The following IL1RAPL1 variants were observed in gnomAD, a reference collection of about 807,000 sequenced individuals.
IL1RAPL1 encodes the protein interleukin 1 receptor accessory protein like 1, also known as interleukin-1 receptor accessory protein-like 1.
A neutral mutation model predicts 48.4 loss-of-function variants in IL1RAPL1; 3 were observed. The ratio of observed to expected loss-of-function variants is 0.06; its 90% CI spans 0.03 to 0.16. The LOEUF (loss-of-function observed/expected upper bound fraction) is 0.16, where lower values mean the gene tolerates loss of function less well. Ranked by LOEUF, IL1RAPL1 falls within the 10% of genes least tolerant of loss-of-function variation. The pLI, the probability that IL1RAPL1 is intolerant of heterozygous loss-of-function variation, is 1.00. For missense variants in IL1RAPL1, 349 were observed against 530.6 expected (o/e 0.66, Z 3.36); for synonymous variants, 185 against 187.7 (o/e 0.99, Z 0.12).
At chrX:29,076,834 A>ATCTATCT (rs1927688272) in intron 2 of IL1RAPL1, among the ~76,000 whole-genome samples, 1 of 110,663 alleles carries the variant, frequency 9.0e-6, no homozygotes, top group Admixed American at 9.7e-5. Flanking sequence ...CTATCTATCT[A>ATCTATCT]AACAATGAAG....
chrX:28,663,079 G>T (rs1934839281), intron 1 of IL1RAPL1, among the ~76,000 whole-genome samples: 1 of 112,027 alleles, frequency 8.9e-6, no homozygotes, highest in African/African-American at 3.2e-5. Flanking sequence ...GAAGAAAAAA[G>T]TATTTAGAGT....
intron 2 of IL1RAPL1, among the ~76,000 whole-genome samples, chrX:29,224,170 G>A (rs998371827): frequency 3.6e-5 from 4 of 110,936 alleles, no homozygotes; most frequent in Non-Finnish European, 3.8e-5. Flanking sequence ...ACAAAGCCCC[G>A]AGATACGGAC....
chrX:29,086,620 T>G (rs1927958346), intron 2 of IL1RAPL1, among the ~76,000 whole-genome samples: 1 of 112,136 alleles, frequency 8.9e-6, no homozygotes. Flanking sequence ...AGTCCTATCA[T>G]AACTTCATTT....
chrX:29,460,207 C>T (rs1333187902), intron 5 of IL1RAPL1, among the ~76,000 whole-genome samples: 2 of 112,124 alleles, frequency 1.8e-5, no homozygotes, highest in African/African-American at 6.5e-5. Context: ...GCCTAGATCC[C>T]TGTGCCCAGT....
intron 1 of IL1RAPL1, among the ~76,000 whole-genome samples, chrX:28,740,984 G>A (rs1935899982): frequency 8.9e-6 from 1 of 111,777 alleles, no homozygotes; most frequent in South Asian, 3.8e-4. Flanking sequence ...CACACACATT[G>A]GTCTGTCGTC....
intron 2 of IL1RAPL1, among the ~76,000 whole-genome samples, chrX:29,144,567 CA>C (rs1929307928): frequency 1.2e-5 from 1 of 84,137 alleles, no homozygotes; most frequent in Non-Finnish European, 2.2e-5. Context: ...CACACCATTG[CA>C]TTCCAGCCTG....
intron 1 of IL1RAPL1, among the ~76,000 whole-genome samples, chrX:28,693,031 A>AT (rs1935196231): frequency 8.9e-6 from 1 of 111,922 alleles, no homozygotes; most frequent in African/African-American, 3.2e-5. Flanking sequence ...ACTGCTGTCA[A>AT]TTTTTTTCAT....
intron 3 of IL1RAPL1, among the ~76,000 whole-genome samples, chrX:29,328,080 C>T (rs190012334): frequency 0.014 from 1,564 of 111,823 alleles, 24 homozygotes; most frequent in African/African-American, 0.049. Flanking sequence ...TTCCTACTTT[C>T]TTCCTGCCAC....
chrX:28,993,237 A>G (rs1602000626), intron 2 of IL1RAPL1, among the ~76,000 whole-genome samples: 1 of 112,349 alleles, frequency 8.9e-6, no homozygotes, highest in South Asian at 3.6e-4. Context: ...CAAAAATGAA[A>G]GGTTTTAAGC....
At chrX:28,788,188 G>C (rs2147264615) in intron 1 of IL1RAPL1, among the ~76,000 whole-genome samples, 1 of 111,871 alleles carries the variant, frequency 8.9e-6, no homozygotes, top group South Asian at 3.7e-4. Flanking sequence ...GTTGAAGTAT[G>C]TGTTAGCTAA....
intron 2 of IL1RAPL1, among the ~76,000 whole-genome samples, chrX:29,118,804 T>C (rs1928725825): frequency 9.0e-6 from 1 of 111,610 alleles, no homozygotes; most frequent in Admixed American, 9.6e-5. Context: ...TGAATTTGTT[T>C]TGACAAAAAA....
chrX:29,104,583 C>A (rs1928410919), intron 2 of IL1RAPL1, among the ~76,000 whole-genome samples: 1 of 110,387 alleles, frequency 9.1e-6, no homozygotes, highest in Non-Finnish European at 1.9e-5. Context: ...CTACACTAAG[C>A]AATAATTTAT....
intron 1 of IL1RAPL1, among the ~76,000 whole-genome samples, chrX:28,673,984 G>T (rs7056949): frequency 0.024 from 2,698 of 111,456 alleles, 80 homozygotes; most frequent in African/African-American, 0.082. Context: ...TTTTTCTAAA[G>T]GTTCATACTG....
chrX:29,395,432 A>G (rs946568832), intron 3 of IL1RAPL1, among the ~76,000 whole-genome samples: 4 of 111,893 alleles, frequency 3.6e-5, no homozygotes, highest in South Asian at 3.7e-4. Context: ...AAGTAGTGCA[A>G]TTTACCCAAA....
chrX:28,824,232 C>T (rs1936967980), intron 2 of IL1RAPL1, among the ~76,000 whole-genome samples: 1 of 111,022 alleles, frequency 9.0e-6, no homozygotes, highest in Non-Finnish European at 1.9e-5. Context: ...ATCATCTGGA[C>T]CATCTGGGTA....
chrX:29,138,177 T>C (rs1365591567), intron 2 of IL1RAPL1, among the ~76,000 whole-genome samples: 1 of 112,302 alleles, frequency 8.9e-6, no homozygotes, highest in African/African-American at 3.2e-5. Context: ...TATTAAAACA[T>C]ACACTGAATC....
intron 6 of IL1RAPL1, among the ~76,000 whole-genome samples, chrX:29,846,770 ATATATATG>A (rs1366153956): frequency 3.6e-5 from 3 of 82,509 alleles, no homozygotes; most frequent in South Asian, 5.9e-4. Context: ...ATATATATAC[ATATATATG>A]TATATATGTA....
intron 2 of IL1RAPL1, among the ~76,000 whole-genome samples, chrX:28,945,887 G>GTA (rs748338390): frequency 0.018 from 1,032 of 58,383 alleles, 5 homozygotes; most frequent in African/African-American, 0.024. Context: ...ATATATGTAT[G>GTA]TATATATATA....
intron 1 of IL1RAPL1, among the ~76,000 whole-genome samples, chrX:28,698,190 T>C (rs1009047696): frequency 7.2e-5 from 8 of 111,629 alleles, no homozygotes; most frequent in African/African-American, 2.3e-4. Flanking sequence ...TCAAGCTCTA[T>C]GTCATCTTCC....
Sources: allele counts gnomAD v4.1 joint callset (sites outside exome capture counted in the v4.1 genomes callset), GRCh38; gene constraint gnomAD v4.1.1; transcripts MANE v1.5; gene names NCBI Gene and HGNC (gene_info 2026-07-23, HGNC 2026-07-21).